Variants in DLG2 observed in about 807,000 individuals in gnomAD.
DLG2 encodes disks large homolog 2.
A neutral mutation model predicts 132.5 loss-of-function variants in DLG2; 45 were observed. That is an observed-to-expected ratio of 0.34 (90% CI 0.27 to 0.44). The LOEUF (loss-of-function observed/expected upper bound fraction) is 0.44, where lower values mean the gene tolerates loss of function less well. Ranked by LOEUF, DLG2 falls within the 20% of genes least tolerant of loss-of-function variation. DLG2 has a pLI of 1.00. For synonymous variants in DLG2, 424 were observed against 419.6 expected, an observed-to-expected ratio of 1.01 and a Z score of -0.13; for missense variants, 1,045 against 1,196.9, an observed-to-expected ratio of 0.87 and a Z score of 1.87.
chr11:84,182,840 A>C (rs1436323360), intron 8 of DLG2, among the ~76,000 whole-genome samples: 1 of 151,824 alleles, frequency 6.6e-6, no homozygotes, highest in Non-Finnish European at 1.5e-5. Context: ...AAAATTGATA[A>C]GCCTCTAGCT....
chr11:84,236,363 T>C (rs2097158680), intron 8 of DLG2, among the ~76,000 whole-genome samples: 1 of 152,120 alleles, frequency 6.6e-6, no homozygotes, highest in Non-Finnish European at 1.5e-5. Flanking sequence ...TGGGCAGGGT[T>C]TTGATATTTG....
chr11:84,916,161 C>G (rs963746135), intron 6 of DLG2, among the ~76,000 whole-genome samples: 1 of 150,874 alleles, frequency 6.6e-6, no homozygotes, highest in Non-Finnish European at 1.5e-5. Context: ...CCGGCTAAAA[C>G]GGTGAAACCC....
intron 9 of DLG2, among the ~76,000 whole-genome samples, chr11:84,149,793 G>C (rs2095232487): frequency 6.6e-6 from 1 of 151,880 alleles, no homozygotes; most frequent in South Asian, 2.1e-4. Context: ...CCAATGCAAT[G>C]ACATTGCATC....
chr11:84,670,595 C>G, intron 6 of DLG2, among the ~76,000 whole-genome samples: 1 of 152,106 alleles, frequency 6.6e-6, no homozygotes, highest in East Asian at 1.9e-4. Flanking sequence ...TATAATAATT[C>G]AAACAACAAT....
At chr11:85,001,464 T>C (rs778626421) in intron 6 of DLG2, among the ~76,000 whole-genome samples, 5 of 152,194 alleles carry the variant, frequency 3.3e-5, no homozygotes, top group Non-Finnish European at 5.9e-5. Context: ...TTACAGACCA[T>C]GCTATGGAGC....
intron 6 of DLG2, among the ~76,000 whole-genome samples, chr11:84,568,175 G>T (rs2099465091): frequency 1.3e-5 from 2 of 152,194 alleles, no homozygotes; most frequent in Non-Finnish European, 2.9e-5. Flanking sequence ...ATGGATCTTG[G>T]TGGTACTTCT....
At chr11:85,606,410 A>T (rs780498924) in intron 2 of DLG2, among the ~76,000 whole-genome samples, 1 of 152,194 alleles carries the variant, frequency 6.6e-6, no homozygotes, top group East Asian at 1.9e-4. Context: ...TAAATGCACC[A>T]ATCAGTGCTC....
At chr11:84,287,719 CTCCA>C (rs1392286692) in intron 7 of DLG2, among the ~76,000 whole-genome samples, 1 of 146,776 alleles carries the variant, frequency 6.8e-6, no homozygotes, top group East Asian at 2.0e-4. Context: ...CCTTCTCTCC[CTCCA>C]TATTTTTCTC....
At chr11:84,569,209 C>A (rs1365189011) in intron 6 of DLG2, among the ~76,000 whole-genome samples, 1 of 152,140 alleles carries the variant, frequency 6.6e-6, no homozygotes, top group Non-Finnish European at 1.5e-5. Context: ...ACCAGCTGGT[C>A]CTTCCAGAAT....
At chr11:83,992,468 T>A (rs1026616949) in intron 11 of DLG2, among the ~76,000 whole-genome samples, 1 of 151,796 alleles carries the variant, frequency 6.6e-6, no homozygotes, top group Non-Finnish European at 1.5e-5. Flanking sequence ...ACCAAGAAAA[T>A]AAGGGAGTGG....
intron 7 of DLG2, among the ~76,000 whole-genome samples, chr11:84,463,844 C>A (rs1038982591): frequency 2.0e-5 from 3 of 151,214 alleles, no homozygotes. Flanking sequence ...AAGAGGCATA[C>A]AATACCAGAC....
chr11:84,904,631 C>T (rs1390574606), intron 6 of DLG2, among the ~76,000 whole-genome samples: 5 of 152,062 alleles, frequency 3.3e-5, no homozygotes, highest in African/African-American at 9.7e-5. Flanking sequence ...AAACTATTTC[C>T]GTCATTTAGT....
chr11:85,359,173 G>A (rs1451501880), intron 3 of DLG2, among the ~76,000 whole-genome samples: 1 of 152,174 alleles, frequency 6.6e-6, no homozygotes, highest in Non-Finnish European at 1.5e-5. Context: ...AATGGGTGGA[G>A]TTCACTTCAG....
intron 14 of DLG2, among the ~76,000 whole-genome samples, chr11:83,934,413 T>C (rs1178233817): frequency 6.6e-6 from 1 of 152,200 alleles, no homozygotes; most frequent in African/African-American, 2.4e-5. Context: ...AAATATTTCA[T>C]TAAAGTATTT....
intron 18 of DLG2, among the ~76,000 whole-genome samples, chr11:83,673,457 T>G (rs1191519154): frequency 6.6e-6 from 1 of 152,218 alleles, no homozygotes; most frequent in African/African-American, 2.4e-5. Flanking sequence ...ATGGCTCACA[T>G]TTTACTCTTT....
chr11:84,600,033 G>C (rs2099571943), intron 6 of DLG2, among the ~76,000 whole-genome samples: 1 of 149,166 alleles, frequency 6.7e-6, no homozygotes, highest in Non-Finnish European at 1.5e-5. Context: ...TGAGGCTGCA[G>C]TGAATCCTGA....
chr11:85,571,811 A>G (rs925522598), intron 3 of DLG2, among the ~76,000 whole-genome samples: 1 of 152,196 alleles, frequency 6.6e-6, no homozygotes, highest in African/African-American at 2.4e-5. Context: ...GCTTTTGACT[A>G]ATGTACCAGT....
At chr11:85,523,872 A>G (rs1176896753) in intron 3 of DLG2, among the ~76,000 whole-genome samples, 2 of 152,256 alleles carry the variant, frequency 1.3e-5, no homozygotes, top group African/African-American at 4.8e-5. Flanking sequence ...AATGCGGTAC[A>G]TATACACAAT....
At chr11:84,667,560 G>A (rs1203755852) in intron 6 of DLG2, among the ~76,000 whole-genome samples, 3 of 144,894 alleles carry the variant, frequency 2.1e-5, no homozygotes, top group South Asian at 2.2e-4. Context: ...ACAGTGGTGC[G>A]ACCTCAGCTC....
Sources: allele counts gnomAD v4.1 joint callset (sites outside exome capture counted in the v4.1 genomes callset), GRCh38; gene constraint gnomAD v4.1.1; transcripts MANE v1.5; gene names NCBI Gene and HGNC (gene_info 2026-07-23, HGNC 2026-07-21).